Variants in DSCAM observed in about 807,000 individuals in gnomAD.
DSCAM encodes the protein cell adhesion molecule DSCAM.
DSCAM carries 47 observed loss-of-function variants against 217.7 expected under a neutral mutation model. The ratio of observed to expected loss-of-function variants is 0.22; its 90% CI spans 0.17 to 0.28. The LOEUF (loss-of-function observed/expected upper bound fraction) is 0.28, where lower values mean the gene tolerates loss of function less well. Ranked by LOEUF, DSCAM falls within the 10% of genes least tolerant of loss-of-function variation. The pLI, the probability that DSCAM is intolerant of heterozygous loss-of-function variation, is 1.00. For missense variants in DSCAM, 2,080 were observed against 2,618.3 expected, an observed-to-expected ratio of 0.79 and a Z score of 4.49; for synonymous variants, 1,056 against 1,015.3, an observed-to-expected ratio of 1.04 and a Z score of -0.76.
At chr21:40,652,185 G>A (rs912700950) in intron 3 of DSCAM, among the ~76,000 whole-genome samples, 13 of 151,798 alleles carry the variant, frequency 8.6e-5, no homozygotes, top group Non-Finnish European at 1.2e-4. Flanking sequence ...AGAGGATCAG[G>A]AAGAATAGCT....
At chr21:40,631,686 A>G (rs1403715114) in intron 3 of DSCAM, among the ~76,000 whole-genome samples, 1 of 152,218 alleles carries the variant, frequency 6.6e-6, no homozygotes, top group East Asian at 1.9e-4. Flanking sequence ...GTTTACTGGA[A>G]TGAATCTGGA....
At chr21:40,201,843 G>C (rs1464861466) in intron 11 of DSCAM, among the ~76,000 whole-genome samples, 2 of 152,182 alleles carry the variant, frequency 1.3e-5, no homozygotes, top group African/African-American at 4.8e-5. Flanking sequence ...GAAGAAAATA[G>C]ATCATGTCAT....
chr21:40,331,561 T>C (rs1454148256), intron 8 of DSCAM, among the ~76,000 whole-genome samples: 1 of 152,136 alleles, frequency 6.6e-6, no homozygotes, highest in East Asian at 1.9e-4. Flanking sequence ...AACGTCAAAA[T>C]GTGCAGAACA....
At chr21:40,207,894 A>G (rs78597781) in intron 11 of DSCAM, among the ~76,000 whole-genome samples, 5,158 of 152,212 alleles carry the variant, frequency 0.034, 124 homozygotes, top group African/African-American at 0.065. Context: ...GTGTGTGGCT[A>G]CACGCTAACC....
chr21:40,266,645 A>ATATATATATATATATT (rs1569031885), intron 11 of DSCAM, among the ~76,000 whole-genome samples: 10 of 114,066 alleles, frequency 8.8e-5, no homozygotes, highest in African/African-American at 3.8e-4. Context: ...TTATATATAT[A>ATATATATATATATATT]TATATATATA....
At chr21:40,682,975 T>C (rs1001493626) in intron 3 of DSCAM, among the ~76,000 whole-genome samples, 8 of 152,050 alleles carry the variant, frequency 5.3e-5, no homozygotes, top group South Asian at 2.1e-4. Context: ...CCTAATCGGA[T>C]AGAATTAGTG....
chr21:40,570,276 T>C (rs997621146), intron 3 of DSCAM, among the ~76,000 whole-genome samples: 2 of 152,186 alleles, frequency 1.3e-5, no homozygotes, highest in Non-Finnish European at 2.9e-5. Flanking sequence ...GAAGGCAAAG[T>C]GCTGACCCCA....
chr21:40,788,040 G>A (rs556234253), intron 1 of DSCAM, among the ~76,000 whole-genome samples: 1 of 152,224 alleles, frequency 6.6e-6, no homozygotes, highest in African/African-American at 2.4e-5. Context: ...AGCTTGGACT[G>A]TCTGTGGAAC....
At chr21:40,690,915 A>G (rs1252589895) in intron 3 of DSCAM, among the ~76,000 whole-genome samples, 1 of 152,146 alleles carries the variant, frequency 6.6e-6, no homozygotes, top group African/African-American at 2.4e-5. Flanking sequence ...AGAACAACAC[A>G]CACTGGGGCC....
intron 3 of DSCAM, among the ~76,000 whole-genome samples, chr21:40,557,883 C>T (rs2146175677): frequency 6.6e-6 from 1 of 152,268 alleles, no homozygotes; most frequent in East Asian, 1.9e-4. Flanking sequence ...TCTCACTAGA[C>T]CATACCAAGA....
At chr21:40,359,269 C>T (rs900081776) in intron 4 of DSCAM, among the ~76,000 whole-genome samples, 3 of 152,198 alleles carry the variant, frequency 2.0e-5, no homozygotes, top group Non-Finnish European at 2.9e-5. Context: ...AGCAAAAATG[C>T]TTAAGAATGC....
intron 10 of DSCAM, among the ~76,000 whole-genome samples, chr21:40,289,263 C>T (rs1477907311): frequency 6.6e-6 from 1 of 152,138 alleles, no homozygotes; most frequent in African/African-American, 2.4e-5. Flanking sequence ...TCAGGGCCAC[C>T]GCTGTGAACT....
At chr21:40,142,436 T>G in intron 18 of DSCAM, 122 bp downstream of exon 18, 6 of 1,031,000 alleles carry the variant, frequency 5.8e-6, no homozygotes, top group Non-Finnish European at 6.9e-6. Flanking sequence ...AAGGGGAAAG[T>G]GTCTATTGAT....
At chr21:40,368,193 T>C (rs2074854315) in intron 4 of DSCAM, among the ~76,000 whole-genome samples, 1 of 152,160 alleles carries the variant, frequency 6.6e-6, no homozygotes, top group South Asian at 2.1e-4. Context: ...CCCTTTCTTT[T>C]CTGAACATGC....
intron 1 of DSCAM, among the ~76,000 whole-genome samples, chr21:40,711,689 A>G (rs1325491916): frequency 6.6e-6 from 1 of 152,198 alleles, no homozygotes; most frequent in Non-Finnish European, 1.5e-5. Flanking sequence ...GCCTTGTCTG[A>G]GGCCTGCAGG....
At chr21:40,681,721 A>C (rs2146423971) in intron 3 of DSCAM, among the ~76,000 whole-genome samples, 1 of 152,278 alleles carries the variant, frequency 6.6e-6, no homozygotes, top group East Asian at 1.9e-4. Flanking sequence ...TTAAGTTACC[A>C]TGAGGTCATA....
chr21:40,076,162 C>T (rs1480737552), intron 26 of DSCAM, among the ~76,000 whole-genome samples: 1 of 152,102 alleles, frequency 6.6e-6, no homozygotes, highest in Non-Finnish European at 1.5e-5. Flanking sequence ...ATGGAATCCT[C>T]GTTCCTCTGT....
rs1351280083 is a variant in DSCAM, at chr21:40,113,003, ACCATT to A, written c.3696+11187_3696+11191del. Among the ~76,000 whole-genome samples the A allele has an allele frequency of 2.0e-5, 3 of 152,362 alleles. No homozygotes were observed. In the East Asian group the frequency reaches 5.8e-4, roughly 29 times the overall value. On this transcript the variant is annotated intron_variant, in intron 20 of 32. Transcript: ENST00000400454. Reference sequence around the variant, plus strand: ...ACCAGAGGTACAAGGAGGAGCTGGTACCATTCCTTCTGAAACTATTCCAATCAATA... The same window carrying A: ...ACCAGAGGTACAAGGAGGAGCTGGTACCTTCTGAAACTATTCCAATCAATA...
intron 6 of DSCAM, among the ~76,000 whole-genome samples, chr21:40,343,095 T>C (rs2074517393): frequency 6.6e-6 from 1 of 152,204 alleles, no homozygotes; most frequent in Non-Finnish European, 1.5e-5. Context: ...TTTCAAAATA[T>C]TAGTTTCCAA....
Sources: gnomAD v4.1 joint callset for allele counts (sites outside exome capture counted in the v4.1 genomes callset) on GRCh38, gnomAD v4.1.1 for gene constraint, MANE v1.5 for transcripts, NCBI Gene and HGNC (gene_info 2026-07-23, HGNC 2026-07-21) for gene names.